MACROD2: variants seen among roughly 807,000 people sequenced by gnomAD.
MACROD2 encodes the protein mono-ADP ribosylhydrolase 2.
In MACROD2, 36 loss-of-function variants were observed where a neutral mutation model predicts 70.4. That is an observed-to-expected ratio of 0.51 (90% confidence interval 0.39 to 0.68). MACROD2 has a LOEUF of 0.68. MACROD2 is among the 30% of genes least tolerant of loss of function. The pLI is 0.00. For synonymous variants in MACROD2, 172 were observed against 178.8 expected (o/e 0.96, Z 0.30); for missense variants, 496 against 538.4 (o/e 0.92, Z 0.78).
intron 9 of MACROD2, among the ~76,000 whole-genome samples, chr20:15,866,889 A>G (rs1207486991): frequency 6.6e-6 from 1 of 152,190 alleles, no homozygotes; most frequent in African/African-American, 2.4e-5. Flanking sequence ...AGAAGCCCAA[A>G]GGCCTTTATA....
chr20:14,564,197 A>C (rs944410096), intron 4 of MACROD2, among the ~76,000 whole-genome samples: 1 of 151,976 alleles, frequency 6.6e-6, no homozygotes, highest in African/African-American at 2.4e-5. Flanking sequence ...AATTAACTAA[A>C]TATGGACCAA....
intron 8 of MACROD2, among the ~76,000 whole-genome samples, chr20:15,832,907 C>T (rs769466756): frequency 5.9e-5 from 9 of 152,192 alleles, no homozygotes; most frequent in Non-Finnish European, 1.2e-4. Context: ...TTATAGTCAT[C>T]AATTCTGATG....
intron 3 of MACROD2, among the ~76,000 whole-genome samples, chr20:14,382,779 G>A (rs2083436202): frequency 6.6e-6 from 1 of 152,264 alleles, no homozygotes; most frequent in East Asian, 1.9e-4. Flanking sequence ...GGCAGCCTGA[G>A]AAATTTCCTG....
intron 2 of MACROD2, among the ~76,000 whole-genome samples, chr20:14,061,315 A>T (rs1267897294): frequency 6.6e-6 from 1 of 152,202 alleles, no homozygotes; most frequent in Non-Finnish European, 1.5e-5. Context: ...TTAAAATTGC[A>T]TGAAAATATG....
intron 3 of MACROD2, among the ~76,000 whole-genome samples, chr20:14,299,582 C>T (rs2082457567): frequency 6.6e-6 from 1 of 152,206 alleles, no homozygotes; most frequent in Non-Finnish European, 1.5e-5. Context: ...GTTGATAAAG[C>T]AGTGGTAGGG....
intron 5 of MACROD2, among the ~76,000 whole-genome samples, chr20:14,877,119 C>A (rs371890566): frequency 6.6e-6 from 1 of 152,142 alleles, no homozygotes; most frequent in African/African-American, 2.4e-5. Context: ...TTTGTGTCAT[C>A]TGTGATTACT....
chr20:15,904,901 A>G (rs1162610209), intron 10 of MACROD2, among the ~76,000 whole-genome samples: 3 of 130,970 alleles, frequency 2.3e-5, no homozygotes, highest in African/African-American at 8.2e-5. Context: ...AAAAAAAAAA[A>G]AAAGAAGGAA....
At chr20:15,752,502 T>C (rs1247336742) in intron 8 of MACROD2, among the ~76,000 whole-genome samples, 1 of 152,126 alleles carries the variant, frequency 6.6e-6, no homozygotes, top group African/African-American at 2.4e-5. Flanking sequence ...TCTGTTCCAG[T>C]ATGAGCAGTC....
intron 3 of MACROD2, among the ~76,000 whole-genome samples, chr20:14,129,174 T>C (rs1009406755): frequency 1.3e-5 from 2 of 152,216 alleles, no homozygotes; most frequent in Non-Finnish European, 2.9e-5. Flanking sequence ...GTAACCATTC[T>C]AGATGCCATT....
intron 4 of MACROD2, among the ~76,000 whole-genome samples, chr20:14,645,878 A>G (rs932190801): frequency 1.3e-5 from 2 of 151,992 alleles, no homozygotes; most frequent in Non-Finnish European, 2.9e-5. Flanking sequence ...AAAAAACTCC[A>G]TTTACAGAAA....
intron 15 of MACROD2, among the ~76,000 whole-genome samples, chr20:15,992,432 T>C (rs576535374): frequency 6.6e-6 from 1 of 152,316 alleles, no homozygotes; most frequent in South Asian, 2.1e-4. Flanking sequence ...CCATTCCTTT[T>C]TTCGTAAGCT....
intron 6 of MACROD2, among the ~76,000 whole-genome samples, chr20:15,311,612 A>G (rs1299177936): frequency 1.3e-5 from 2 of 152,184 alleles, no homozygotes; most frequent in African/African-American, 4.8e-5. Flanking sequence ...CACAAAGGAG[A>G]ACAAAATCAT....
At chr20:15,916,728 T>G (rs1601125927) in intron 10 of MACROD2, among the ~76,000 whole-genome samples, 1 of 152,244 alleles carries the variant, frequency 6.6e-6, no homozygotes, top group Admixed American at 6.5e-5. Flanking sequence ...CACGGGCACT[T>G]TGCTGTCTTG....
chr20:15,091,974 C>T (rs1472589977), intron 5 of MACROD2, among the ~76,000 whole-genome samples: 10 of 151,676 alleles, frequency 6.6e-5, no homozygotes, highest in African/African-American at 1.2e-4. Flanking sequence ...TGTAAGTGAA[C>T]GACAAATACT....
intron 3 of MACROD2, among the ~76,000 whole-genome samples, chr20:14,424,482 G>A (rs1034583114): frequency 6.6e-6 from 1 of 152,146 alleles, no homozygotes; most frequent in Non-Finnish European, 1.5e-5. Context: ...TATATTTTTA[G>A]AGTTGAATTT....
At chr20:14,791,623 A>G (rs1600668045) in intron 5 of MACROD2, among the ~76,000 whole-genome samples, 1 of 152,066 alleles carries the variant, frequency 6.6e-6, no homozygotes, top group Non-Finnish European at 1.5e-5. Context: ...GACCTTAGAC[A>G]TGAATCAAAG....
intron 8 of MACROD2, among the ~76,000 whole-genome samples, chr20:15,794,888 A>G (rs2063658839): frequency 6.6e-6 from 1 of 152,226 alleles, no homozygotes; most frequent in East Asian, 1.9e-4. Flanking sequence ...AGACCGATAG[A>G]TACACTATTA....
intron 7 of MACROD2, among the ~76,000 whole-genome samples, chr20:15,466,114 T>G (rs907397504): frequency 3.3e-5 from 5 of 152,164 alleles, no homozygotes; most frequent in Non-Finnish European, 7.4e-5. Context: ...GGGGGTTACT[T>G]TAAGTTTGAT....
intron 5 of MACROD2, among the ~76,000 whole-genome samples, chr20:15,154,406 T>C (rs561628550): frequency 2.0e-5 from 3 of 152,300 alleles, no homozygotes; most frequent in South Asian, 2.1e-4. Context: ...GGATGAAAGC[T>C]CTCTACCTAC....
Sources: gnomAD v4.1 joint callset for allele counts (sites outside exome capture counted in the v4.1 genomes callset) on GRCh38, gnomAD v4.1.1 for gene constraint, MANE v1.5 for transcripts, NCBI Gene and HGNC (gene_info 2026-07-23, HGNC 2026-07-21) for gene names.